Variants in PDCD1LG2 observed in about 807,000 individuals in gnomAD.
The protein encoded by PDCD1LG2 is B7 dendritic cell molecule.
A neutral mutation model predicts 28.2 loss-of-function variants in PDCD1LG2; 32 were observed. The ratio of observed to expected loss-of-function variants is 1.13; its 90% CI spans 0.86 to 1.52. The LOEUF is 1.52. Among genes scored for constraint, PDCD1LG2 ranks in the 40% most tolerant of loss-of-function variants. The probability of loss-of-function intolerance (pLI) is 0.00; values close to 1 mark genes in which losing one functional copy is unlikely to be tolerated. For synonymous variants in PDCD1LG2, 116 were observed against 120.2 expected, an observed-to-expected ratio of 0.97 and a Z score of 0.23; for missense variants, 385 against 323.8, an observed-to-expected ratio of 1.19 and a Z score of -1.45.
intron 6 of PDCD1LG2, among the ~76,000 whole-genome samples, chr9:5,568,019 A>G (rs1288570545): frequency 6.6e-6 from 1 of 152,090 alleles, no homozygotes; most frequent in Non-Finnish European, 1.5e-5. Flanking sequence ...AGCATTCCAC[A>G]TGGGTGTGTT....
At chr9:5,521,663 A>T (rs908692677) in intron 1 of PDCD1LG2, among the ~76,000 whole-genome samples, 1 of 152,152 alleles carries the variant, frequency 6.6e-6, no homozygotes, top group East Asian at 1.9e-4. Flanking sequence ...ATGAGGTTCT[A>T]TCATTCTCCT....
At chr9:5,520,375 C>T (rs1820250165) in intron 1 of PDCD1LG2, among the ~76,000 whole-genome samples, 1 of 152,200 alleles carries the variant, frequency 6.6e-6, no homozygotes, top group Non-Finnish European at 1.5e-5. Context: ...ACAGGCACAA[C>T]TGAATGCCCA....
At chr9:5,568,253 G>A (rs1002432551) in intron 6 of PDCD1LG2, among the ~76,000 whole-genome samples, 28 of 152,174 alleles carry the variant, frequency 1.8e-4, no homozygotes, top group African/African-American at 6.0e-4. Context: ...CCTCTGGGCC[G>A]CAGACCGGTA....
chr9:5,545,205 A>C (rs567964763), intron 3 of PDCD1LG2, among the ~76,000 whole-genome samples: 2 of 152,366 alleles, frequency 1.3e-5, no homozygotes, highest in African/African-American at 4.8e-5. Context: ...CCATTTCCTA[A>C]ACAAGAAAAC....
intron 3 of PDCD1LG2, among the ~76,000 whole-genome samples, chr9:5,548,909 T>C (rs890487752): frequency 1.3e-5 from 2 of 152,222 alleles, no homozygotes; most frequent in African/African-American, 4.8e-5. Flanking sequence ...TGATTTTTAT[T>C]TTTCCGTCCT....
intron 1 of PDCD1LG2, among the ~76,000 whole-genome samples, chr9:5,521,411 A>G (rs912262877): frequency 6.6e-6 from 1 of 152,234 alleles, no homozygotes; most frequent in Admixed American, 6.5e-5. Flanking sequence ...TCTTTCGTAT[A>G]TCAATTATAC....
At position 5,553,853 on chromosome 9, in the gene PDCD1LG2, G is replaced by A. The variant is rs571405201; in HGVS notation, c.632-3765G>A. ...ACCCATCCTTCCCAACTTTGTATTC[G>A]TCCTACTGTTTACTGACATGGATCC... On this transcript the variant is annotated intron_variant, in intron 4 of 6. Coordinates refer to ENST00000397747, the MANE Select transcript of PDCD1LG2 (RefSeq NM_025239.4). Among the ~76,000 whole-genome samples the A allele has an allele frequency of 1.7e-4, 26 of 152,182 alleles. 1 individual carries two copies. Among genetic ancestry groups the A allele is most frequent in the South Asian group, 1.5e-3 (7 of 4,822 alleles).
intron 4 of PDCD1LG2, among the ~76,000 whole-genome samples, chr9:5,554,151 G>A (rs575242508): frequency 1.8e-4 from 27 of 152,200 alleles, no homozygotes; most frequent in African/African-American, 6.0e-4. Flanking sequence ...TATTTTCCAT[G>A]TATTTTCATT....
rs752618279 is a variant in PDCD1LG2 at position 5,563,223 on chromosome 9, T to A, written c.816+12T>A. 6.2e-7 allele frequency: 1 copy of A among 1,603,370 alleles called. No homozygotes were observed. Among genetic ancestry groups the A allele is most frequent in the Non-Finnish European group, 8.5e-7 (1 of 1,171,754 alleles). On this transcript the variant is annotated intron_variant, in intron 6 of 6. Coordinates refer to ENST00000397747, the MANE Select transcript of PDCD1LG2 (RefSeq NM_025239.4). Reference sequence around the variant, plus strand: ...AAGTGAACAGTGCTGTGAGTAAGCATGATTTTTACTTTTCTTTCTTACTTT... The same window carrying A: ...AAGTGAACAGTGCTGTGAGTAAGCAAGATTTTTACTTTTCTTTCTTACTTT...
In PDCD1LG2 at chr9:5,569,034, G is replaced by A. The variant is rs1243798161; in HGVS notation, c.817-920G>A. Among the ~76,000 whole-genome samples, 1 of 152,206 alleles carries A rather than the reference G, an allele frequency of 6.6e-6. No homozygotes were observed. The highest frequency in any genetic ancestry group is 1.5e-5 in the Non-Finnish European group (1 of 68,030). On this transcript the variant is annotated intron_variant, in intron 6 of 6. Coordinates refer to ENST00000397747, the MANE Select transcript of PDCD1LG2 (RefSeq NM_025239.4). This position sits in a 1 kb window ranked among gnomAD's most constrained non-coding sequence, Gnocchi z 4.1. The stretch of plus-strand genomic sequence containing the variant: ...ACAGGAAAGGCAGAGAGGCAGGAAG[G>A]TGTGGGAAAGTGCACGTGACCCCGT...
chr9:5,543,204 C>G (rs1297485500), intron 3 of PDCD1LG2, among the ~76,000 whole-genome samples: 1 of 152,030 alleles, frequency 6.6e-6, no homozygotes, highest in Non-Finnish European at 1.5e-5. Flanking sequence ...AATGGACTTT[C>G]AGGACTTAGG....
In PDCD1LG2 at chr9:5,534,942, G is replaced by T. The variant is rs1413071177; in HGVS notation, c.253G>T (p.Ala85Ser). The stretch of plus-strand genomic sequence containing the variant: ...GGAGGAGCAGCTGCCCCTAGGGAAG[G>T]CCTCGTTCCACATACCTCAAGTCCA... ...LLEEQLPLGK[A>S]SFHIPQVQVR... The change falls in exon 3 of 7, where the codon GCC becomes TCC. Residue 85 changes from alanine to serine, a missense_variant. Ala to Ser is a moderately conservative substitution (Grantham distance 99, BLOSUM62 1). Coordinates refer to ENST00000397747, the MANE Select transcript of PDCD1LG2 (RefSeq NM_025239.4). 1.2e-6 allele frequency: 2 copies of T among 1,614,122 alleles called. No homozygotes were observed. The highest frequency in any genetic ancestry group is 2.2e-5 in the East Asian group (1 of 44,882).
chr9:5,560,525 T>C (rs1412580553), intron 5 of PDCD1LG2, among the ~76,000 whole-genome samples: 2 of 152,192 alleles, frequency 1.3e-5, no homozygotes, highest in African/African-American at 2.4e-5. Flanking sequence ...ACATGCTCTG[T>C]CATTGGTCCC....
chr9:5,517,574 G>C (rs149862868), intron 1 of PDCD1LG2, among the ~76,000 whole-genome samples: 1 of 152,152 alleles, frequency 6.6e-6, no homozygotes, highest in South Asian at 2.1e-4. Flanking sequence ...CCATCGGAAG[G>C]TTTTAAGAAA....
chr9:5,531,364 T>C (rs1820480928), intron 2 of PDCD1LG2, among the ~76,000 whole-genome samples: 1 of 152,208 alleles, frequency 6.6e-6, no homozygotes, highest in South Asian at 2.1e-4. Context: ...AAGCTCAAAG[T>C]TTGCATGTCT....
chr9:5,560,587 C>T (rs1217893182), intron 5 of PDCD1LG2, among the ~76,000 whole-genome samples: 1 of 152,206 alleles, frequency 6.6e-6, no homozygotes, highest in African/African-American at 2.4e-5. Context: ...CTGCCTTAGC[C>T]ACAGCTGCAC....
rs1026640271 is a variant in PDCD1LG2 at position 5,569,872 on chromosome 9, T to G, written c.817-82T>G. On this transcript the variant is annotated intron_variant, in intron 6 of 6. Transcript: ENST00000397747. This position sits in a 1 kb window ranked among gnomAD's most constrained non-coding sequence, Gnocchi z 4.1. ...AGATGAACTTTTTTAAAAAAATTAG[T>G]TCCTCACTCAAATTTTGGGGAGGTT... 5 of 1,396,558 alleles carry G rather than the reference T, an allele frequency of 3.6e-6. No individual in the cohort carries two copies. In the African/African-American group the frequency reaches 7.2e-5, roughly 20 times the overall value. The allele number at this position is 1,396,558 out of a possible 1,614,324, so 86.5% of individuals were successfully genotyped here.
At position 5,515,247 on chromosome 9, in the gene PDCD1LG2, C is replaced by G. The variant is rs149913945; in HGVS notation, c.-15+4444C>G. ...TGGATAGCCACATAGGAACAGACAT[C>G]AATAAACATATTTAGAAAACACAAG... is the stretch of plus-strand genomic sequence containing the variant. On this transcript the variant is annotated intron_variant, in intron 1 of 6. Coordinates refer to ENST00000397747, the MANE Select transcript of PDCD1LG2 (RefSeq NM_025239.4). Among the ~76,000 whole-genome samples, 38 of 152,248 alleles carry G rather than the reference C, an allele frequency of 2.5e-4. No individual in the cohort carries two copies. In the East Asian group the frequency reaches 6.6e-3, roughly 26 times the overall value.
intron 6 of PDCD1LG2, among the ~76,000 whole-genome samples, chr9:5,565,102 G>A (rs1039631732): frequency 6.6e-6 from 1 of 152,152 alleles, no homozygotes; most frequent in Non-Finnish European, 1.5e-5. Context: ...AATAATATAA[G>A]GGCCAATAAA....
Sources: gnomAD v4.1 joint callset for allele counts (sites outside exome capture counted in the v4.1 genomes callset) on GRCh38, gnomAD v4.1.1 for gene constraint, Gnocchi (gnomAD v3.1) non-coding constraint, MANE v1.5 for transcripts, NCBI Gene and HGNC (gene_info 2026-07-23, HGNC 2026-07-21) for gene names.